Variants in BTRC observed in about 807,000 individuals in gnomAD.
BTRC encodes beta-transducin repeat containing E3 ubiquitin protein ligase.
Under a neutral mutation model 85.5 loss-of-function variants are expected in BTRC, and 42 were observed. The ratio of observed to expected loss-of-function variants is 0.49; its 90% CI spans 0.38 to 0.64. The LOEUF is 0.64. BTRC is among the 30% of genes least tolerant of loss of function. The probability of loss-of-function intolerance (pLI) is 0.00; values close to 1 mark genes in which losing one functional copy is unlikely to be tolerated. For missense variants in BTRC, 594 were observed against 743.5 expected, an observed-to-expected ratio of 0.80 and a Z score of 2.34; for synonymous variants, 255 against 263.3, an observed-to-expected ratio of 0.97 and a Z score of 0.30.
At chr10:101,425,432 G>T (rs1473998074) in intron 1 of BTRC, among the ~76,000 whole-genome samples, 1 of 152,130 alleles carries the variant, frequency 6.6e-6, no homozygotes, top group Non-Finnish European at 1.5e-5. Flanking sequence ...GACGTTAGGT[G>T]GGAACTGAGC....
At chr10:101,404,251 C>T (rs1048337309) in intron 1 of BTRC, among the ~76,000 whole-genome samples, 56 of 150,242 alleles carry the variant, frequency 3.7e-4, no homozygotes, top group African/African-American at 1.3e-3. Flanking sequence ...AGGAGGGTCT[C>T]AATCTCCTGA....
At chr10:101,545,238 T>A (rs988352085) in intron 13 of BTRC, among the ~76,000 whole-genome samples, 1 of 152,182 alleles carries the variant, frequency 6.6e-6, no homozygotes, top group Non-Finnish European at 1.5e-5. Context: ...TTGCTTATGA[T>A]GTGTCTTGGT....
chr10:101,539,403 G>A (rs1243761903), intron 13 of BTRC, among the ~76,000 whole-genome samples: 2 of 152,218 alleles, frequency 1.3e-5, no homozygotes, highest in Non-Finnish European at 1.5e-5. Flanking sequence ...CTCTGGAGAA[G>A]AGAAAGAGGT....
chr10:101,420,138 A>G (rs1355164541), intron 1 of BTRC, among the ~76,000 whole-genome samples: 1 of 151,802 alleles, frequency 6.6e-6, no homozygotes, highest in African/African-American at 2.4e-5. Context: ...TCAGCTTACA[A>G]CAACATCCTC....
At chr10:101,383,215 C>T (rs1007132263) in intron 1 of BTRC, among the ~76,000 whole-genome samples, 1 of 151,796 alleles carries the variant, frequency 6.6e-6, no homozygotes, top group Non-Finnish European at 1.5e-5. Flanking sequence ...AGGCGTGCAC[C>T]ACCACGCCCA....
intron 4 of BTRC, among the ~76,000 whole-genome samples, chr10:101,484,145 T>C (rs770643834): frequency 2.0e-5 from 3 of 152,138 alleles, no homozygotes; most frequent in African/African-American, 7.2e-5. Flanking sequence ...TTAGTTGTTA[T>C]TGGTTGTTGT....
rs1197730152 is a variant in BTRC at position 101,366,966 on chromosome 10, A to ATATT, written c.48+12738_48+12739insTATT. Reference sequence around the variant, plus strand: ...TATATATTTATATATATATTTATATAAATATATATTTATATATTTATATAT... The same window carrying ATATT: ...TATATATTTATATATATATTTATATATATTAATATATATTTATATATTTATATAT... On this transcript the variant is annotated intron_variant, in intron 1 of 14. Coordinates refer to ENST00000370187, the MANE Select transcript of BTRC (RefSeq NM_033637.4). 2.5e-4 allele frequency among the ~76,000 whole-genome samples: 10 copies of ATATT among 40,732 alleles called. No homozygotes were observed. The South Asian group carries it at 3.1e-3, about 12-fold the overall frequency. 26.7% of individuals were successfully genotyped at this position (40,732 alleles called of 152,430 possible).
At chr10:101,502,254 G>T (rs941548233) in intron 4 of BTRC, among the ~76,000 whole-genome samples, 1 of 152,100 alleles carries the variant, frequency 6.6e-6, no homozygotes, top group Non-Finnish European at 1.5e-5. Flanking sequence ...GGTAGAAATT[G>T]TTCAAGTGGA....
chr10:101,407,906 T>C (rs931840635), intron 1 of BTRC, among the ~76,000 whole-genome samples: 10 of 151,446 alleles, frequency 6.6e-5, no homozygotes, highest in Non-Finnish European at 1.2e-4. Context: ...GTATTTTTAG[T>C]AGAGACAGGG....
chr10:101,398,877 T>C lies in BTRC; in HGVS notation c.49-31468T>C, dbSNP rs576609782. Among the ~76,000 whole-genome samples the C allele has an allele frequency of 3.5e-4, 53 of 152,332 alleles. 1 individual carries two copies. In the South Asian group the frequency reaches 0.011, roughly 32 times the overall value. On this transcript the variant is annotated intron_variant, in intron 1 of 14. Coordinates refer to ENST00000370187, the MANE Select transcript of BTRC (RefSeq NM_033637.4). ...TAAGTTGGTCTTCATCAATAACCTC[T>C]TCACTGTATACATTGCCTGGTTTTG...
intron 1 of BTRC, among the ~76,000 whole-genome samples, chr10:101,359,890 G>A (rs1361878581): frequency 6.6e-6 from 1 of 151,200 alleles, no homozygotes; most frequent in Admixed American, 6.6e-5. Flanking sequence ...GTGAGCTGCC[G>A]TGTCCGGCCT....
In BTRC at chr10:101,368,047, A is replaced by G. The variant is rs11190969; in HGVS notation, c.48+13819A>G. On this transcript the variant is annotated intron_variant, in intron 1 of 14. Coordinates refer to ENST00000370187, the MANE Select transcript of BTRC (RefSeq NM_033637.4). ...AGCTTGTTTGGCCCTGCCAAGTCTC[A>G]TGTTGAAATTTGATCTCCAGTGTTG... is the stretch of plus-strand genomic sequence containing the variant. Among the ~76,000 whole-genome samples the G allele has an allele frequency of 7.2e-5, 11 of 152,332 alleles. No homozygotes were observed. The East Asian group carries it at 2.1e-3, about 29-fold the overall frequency.
At chr10:101,380,330 A>T (rs1329450560) in intron 1 of BTRC, among the ~76,000 whole-genome samples, 1 of 152,240 alleles carries the variant, frequency 6.6e-6, no homozygotes, top group African/African-American at 2.4e-5. Context: ...GACTGTAAGC[A>T]TCCAGATCAT....
chr10:101,517,613 A>G (rs1218774764), intron 4 of BTRC, among the ~76,000 whole-genome samples: 1 of 152,208 alleles, frequency 6.6e-6, no homozygotes, highest in Non-Finnish European at 1.5e-5. Flanking sequence ...AGATCCATCA[A>G]ATTACTTTGA....
At chr10:101,539,049 T>TA (rs34996474) in intron 13 of BTRC, among the ~76,000 whole-genome samples, 1,799 of 141,134 alleles carry the variant, frequency 0.013, 10 homozygotes, top group African/African-American at 0.026. Flanking sequence ...AACTCTGTCT[T>TA]AAAAAAAAAA....
At chr10:101,502,352 T>C (rs1455932941) in intron 4 of BTRC, among the ~76,000 whole-genome samples, 2 of 152,082 alleles carry the variant, frequency 1.3e-5, no homozygotes, top group East Asian at 1.9e-4. Context: ...TTGGGTGTTA[T>C]GGGAAAACAT....
chr10:101,409,106 A>G (rs1262430872), intron 1 of BTRC, among the ~76,000 whole-genome samples: 1 of 152,186 alleles, frequency 6.6e-6, no homozygotes, highest in Non-Finnish European at 1.5e-5. Flanking sequence ...AAGTTCACAT[A>G]ATATAAAATT....
At chr10:101,517,374 A>C (rs887977379) in intron 4 of BTRC, among the ~76,000 whole-genome samples, 1 of 152,216 alleles carries the variant, frequency 6.6e-6, no homozygotes, top group Non-Finnish European at 1.5e-5. Flanking sequence ...GCAGTGAGCT[A>C]TGATCACACC....
Position 101,525,997 on chromosome 10 carries a change from C to T in BTRC, c.557-16C>T. On this transcript the variant is annotated splice_polypyrimidine_tract_variant and intron_variant, in intron 5 of 14. Transcript: ENST00000370187. ...CTTCTGTGTTCTTTTTCTTTGCCTCCTCCCCCTACTGAAAGCTCGGGGATT... is the reference window on the plus strand; with the variant it reads ...CTTCTGTGTTCTTTTTCTTTGCCTCTTCCCCCTACTGAAAGCTCGGGGATT... The T allele has an allele frequency of 1.9e-6, 3 of 1,609,732 alleles. No homozygotes were observed. Among genetic ancestry groups the T allele is most frequent in the Non-Finnish European group, 2.5e-6 (3 of 1,176,876 alleles).
Sources: allele counts gnomAD v4.1 joint callset (sites outside exome capture counted in the v4.1 genomes callset), GRCh38; gene constraint gnomAD v4.1.1; transcripts MANE v1.5; gene names NCBI Gene and HGNC (gene_info 2026-07-23, HGNC 2026-07-21).